The following CRHR2 variants were observed in gnomAD, a reference collection of about 807,000 sequenced individuals.
The protein encoded by CRHR2 is corticotropin releasing hormone receptor 2.
In CRHR2, 53 loss-of-function variants were observed where a neutral mutation model predicts 57.9. The observed-to-expected ratio is 0.92, with a 90% confidence interval of 0.73 to 1.15. CRHR2 has a LOEUF of 1.15. Ranked by LOEUF, CRHR2 falls within the 50% of genes most tolerant of loss-of-function variation. The pLI is 0.00. For missense variants in CRHR2, 532 were observed against 542.6 expected (o/e 0.98, Z 0.19); for synonymous variants, 213 against 220.9 (o/e 0.96, Z 0.32).
In CRHR2 at chr7:30,667,284, C is replaced by T; in HGVS notation, c.259G>A (p.Gly87Arg). The change falls in exon 3 of 12, where the codon GGG becomes AGG. Residue 87 changes from glycine (G) to arginine (R), a missense_variant. By Grantham distance (125) the Gly-to-Arg change is moderately radical (BLOSUM62 -2). Coordinates refer to ENST00000471646, the MANE Select transcript of CRHR2 (RefSeq NM_001883.5). ...TAGTTGATCTTTGAGGCCCACGTCC[C>T]ATTCTCCAAGCATTCTCGATAGGCA... ...RNAYRECLENGTWASKINYSQ... is the reference protein window; with the variant it reads ...RNAYRECLENRTWASKINYSQ... 6.2e-7 allele frequency: 1 copy of T among 1,614,216 alleles called. No individual in the cohort carries two copies. The highest frequency in any genetic ancestry group is 1.7e-5 in the Admixed American group (1 of 60,028).
At chr7:30,654,370 CCA>C (rs1562791465) in intron 11 of CRHR2, among the ~76,000 whole-genome samples, 1 of 152,212 alleles carries the variant, frequency 6.6e-6, no homozygotes, top group Admixed American at 6.5e-5. Context: ...GTGCTATCAT[CCA>C]CAGAGACACA....
chr7:30,672,862 G>C (rs1200307758), intron 2 of CRHR2, among the ~76,000 whole-genome samples: 1 of 152,228 alleles, frequency 6.6e-6, no homozygotes, highest in East Asian at 1.9e-4. Flanking sequence ...GGTGGGACCA[G>C]AAGAGAGAAA....
At chr7:30,670,041 A>G (rs1784309309) in intron 2 of CRHR2, among the ~76,000 whole-genome samples, 1 of 151,572 alleles carries the variant, frequency 6.6e-6, no homozygotes, top group Admixed American at 6.6e-5. Context: ...TTCCTCCTCT[A>G]TCCCTTCCCT....
At chr7:30,661,761 A>G (rs919150315) in intron 7 of CRHR2, among the ~76,000 whole-genome samples, 1 of 152,134 alleles carries the variant, frequency 6.6e-6, no homozygotes, top group Non-Finnish European at 1.5e-5. Flanking sequence ...AGAAAAAAAA[A>G]CAAGCTCTGT....
At chr7:30,660,940 A>G (rs1183586156) in intron 7 of CRHR2, among the ~76,000 whole-genome samples, 1 of 152,228 alleles carries the variant, frequency 6.6e-6, no homozygotes, top group Non-Finnish European at 1.5e-5. Context: ...AGGACTGGGC[A>G]TGCAGGAGGC....
chr7:30,689,930 G>A (rs772408804), intron 1 of CRHR2, among the ~76,000 whole-genome samples: 1 of 152,198 alleles, frequency 6.6e-6, no homozygotes, highest in African/African-American at 2.4e-5. Context: ...CCAGAAAGAT[G>A]AGTAGGGACA....
chr7:30,688,307 A>C (rs947237077), intron 2 of CRHR2, among the ~76,000 whole-genome samples: 1 of 152,154 alleles, frequency 6.6e-6, no homozygotes, highest in Non-Finnish European at 1.5e-5. Flanking sequence ...ATGGTGATGA[A>C]ATCAGCTTCT....
Position 30,653,719 on chromosome 7 carries a change from T to C in CRHR2, c.1096-119A>G, listed in dbSNP as rs1483943484. ...CTGCCACCCTCATGACAAGGAACTG[T>C]CTGCTTCCAAAACAGGTCCTTCCCT... On this transcript the variant is annotated intron_variant, in intron 11 of 11. Transcript: ENST00000471646. The surrounding 1 kb of genome is among the most constrained non-coding windows in gnomAD (Gnocchi z 5.0). 34 of 1,279,036 alleles carry C rather than the reference T, an allele frequency of 2.7e-5. No homozygotes were observed. Among genetic ancestry groups the C allele is most frequent in the Non-Finnish European group, 3.2e-5 (31 of 955,282 alleles). The allele number at this position is 1,279,036 out of a possible 1,614,324, so 79.2% of individuals were successfully genotyped here.
chr7:30,688,621 C>A (rs1386108756), intron 2 of CRHR2, among the ~76,000 whole-genome samples: 1 of 152,222 alleles, frequency 6.6e-6, no homozygotes, highest in African/African-American at 2.4e-5. Flanking sequence ...GTCACCCCCA[C>A]TCCCATCCTG....
At chr7:30,654,658 A>G (rs531934581) in intron 11 of CRHR2, 56 of 1,523,692 alleles carry the variant, frequency 3.7e-5, no homozygotes, top group Non-Finnish European at 4.7e-5. Flanking sequence ...TAGCGGGGGA[A>G]TGTGCTGGTC....
At chr7:30,681,465 T>C (rs1784702201) in intron 2 of CRHR2, among the ~76,000 whole-genome samples, 1 of 152,074 alleles carries the variant, frequency 6.6e-6, no homozygotes, top group Non-Finnish European at 1.5e-5. Flanking sequence ...TCCTCCCCTC[T>C]GGTAGTAGGG....
Position 30,653,062 on chromosome 7 carries a change from C to T in CRHR2, c.*398G>A, listed in dbSNP as rs534678632. ...GGCCAAGGGCCAGTGCAGGGCCACA[C>T]CATTGCCTGGCTGCTGGCTCCATGA... On this transcript the variant is annotated 3_prime_UTR_variant, in exon 12 of 12. Transcript: ENST00000471646. The surrounding 1 kb of genome is among the most constrained non-coding windows in gnomAD (Gnocchi z 5.0). The T allele has an allele frequency of 2.0e-4, 38 of 191,616 alleles. No individual in the cohort carries two copies. The highest frequency in any genetic ancestry group is 8.4e-4 in the African/African-American group (36 of 43,080). The allele number at this position is 191,616 out of a possible 1,614,324, so 11.9% of individuals were successfully genotyped here.
At position 30,652,446 on chromosome 7, in the gene CRHR2, A is replaced by T. The variant is rs1434419499; in HGVS notation, c.*1014T>A. The stretch of plus-strand genomic sequence containing the variant: ...AGACTCCAAACCTACCAGAGGTCAG[A>T]GAGAGAGAGAACTGGCCCGAGGCCA... On this transcript the variant is annotated 3_prime_UTR_variant, in exon 12 of 12. Transcript: ENST00000471646. The surrounding 1 kb of genome is among the most constrained non-coding windows in gnomAD (Gnocchi z 4.4). 2 of 152,018 alleles carry T rather than the reference A, an allele frequency of 1.3e-5. No individual in the cohort carries two copies. Among genetic ancestry groups the T allele is most frequent in the Non-Finnish European group, 1.5e-5 (1 of 68,006 alleles). The allele number at this position is 152,018 out of a possible 1,614,324, so 9.4% of individuals were successfully genotyped here.
At chr7:30,667,022 G>T (rs1784207709) in intron 3 of CRHR2, among the ~76,000 whole-genome samples, 1 of 152,220 alleles carries the variant, frequency 6.6e-6, no homozygotes, top group Admixed American at 6.5e-5. Context: ...AAGCTCTCTT[G>T]AAGGTAGGAC....
At chr7:30,679,917 T>G (rs554324533) in intron 2 of CRHR2, among the ~76,000 whole-genome samples, 39 of 152,184 alleles carry the variant, frequency 2.6e-4, no homozygotes, top group African/African-American at 9.4e-4. Flanking sequence ...TAGTGGTAAG[T>G]GCTCCCCACC....
chr7:30,655,683 G>A lies in CRHR2; in HGVS notation c.950C>T (p.Pro317Leu). 1.9e-6 allele frequency: 3 copies of A among 1,614,112 alleles called. No homozygotes were observed. Among genetic ancestry groups the A allele is most frequent in the Non-Finnish European group, 2.5e-6 (3 of 1,179,970 alleles). Residue 317 changes from proline to leucine, a missense_variant, in exon 10 of 12, where the codon CCC becomes CTC. Coordinates refer to ENST00000471646, the MANE Select transcript of CRHR2 (RefSeq NM_001883.5). ...KAVKATLVLL[P>L]LLGITYMLFF... is the part of the protein sequence containing the mutation. Reference sequence around the variant, plus strand: ...GAGCATGTAGGTGATGCCCAGGAGGGGCAGGAGCACCAGGGTGGCCTTCAC... The same window carrying A: ...GAGCATGTAGGTGATGCCCAGGAGGAGCAGGAGCACCAGGGTGGCCTTCAC...
Position 30,653,602 on chromosome 7 carries a change from T to C in CRHR2, c.1096-2A>G. ...CCTCTTCCTCACGGCTGAGCGCACC[T>C]GTGGGGAAGGCAGAGGCTCAGCTGG... On this transcript the variant is annotated splice_acceptor_variant, in intron 11 of 11. Transcript: ENST00000471646. LOFTEE classifies it high-confidence loss of function. This position sits in a 1 kb window ranked among gnomAD's most constrained non-coding sequence, Gnocchi z 5.0. The C allele has an allele frequency of 6.2e-7, 1 of 1,608,000 alleles. No homozygotes were observed. Among genetic ancestry groups the C allele is most frequent in the Non-Finnish European group, 8.5e-7 (1 of 1,178,662 alleles).
Position 30,655,908 on chromosome 7 carries a change from A to AT in CRHR2, c.917+18_917+19insA, listed in dbSNP as rs760562839. 57 of 1,611,500 alleles carry AT rather than the reference A, an allele frequency of 3.5e-5. No homozygotes were observed. In the East Asian group the frequency reaches 1.2e-3, roughly 34 times the overall value. On this transcript the variant is annotated intron_variant, in intron 9 of 11. Transcript: ENST00000471646. ...CTCCTCCTGTCCCCATTGTGGGGTC[A>AT]AGGGACCCCCTCACATACCTGTACT...
At chr7:30,662,950 T>C in intron 5 of CRHR2, 103 bp from the exon 6 acceptor site, 1 of 1,357,786 alleles carries the variant, frequency 7.4e-7, no homozygotes, top group Non-Finnish European at 9.9e-7. Context: ...CCAAAGGGGG[T>C]TCGTGGACAT....
Sources: gnomAD v4.1 joint callset for allele counts (sites outside exome capture counted in the v4.1 genomes callset) on GRCh38, gnomAD v4.1.1 for gene constraint, Gnocchi (gnomAD v3.1) non-coding constraint, MANE v1.5 for transcripts, NCBI Gene and HGNC (gene_info 2026-07-23, HGNC 2026-07-21) for gene names.